Variants in NTNG2 observed in about 807,000 individuals in gnomAD.
NTNG2 encodes the protein netrin G2, also known as netrin-G2.
NTNG2 carries 15 observed loss-of-function variants against 47.6 expected under a neutral mutation model. That is an observed-to-expected ratio of 0.32 (90% CI 0.21 to 0.49). The LOEUF is 0.49. Ranked by LOEUF, NTNG2 falls within the 20% of genes least tolerant of loss-of-function variation. The pLI, the probability that NTNG2 is intolerant of heterozygous loss-of-function variation, is 0.99. For missense variants in NTNG2, 578 were observed against 764.6 expected, an observed-to-expected ratio of 0.76 and a Z score of 2.88; for synonymous variants, 307 against 324.6, an observed-to-expected ratio of 0.95 and a Z score of 0.58.
chr9:132,226,206 G>A lies in NTNG2; in HGVS notation c.858-643G>A, dbSNP rs1248530759. Among the ~76,000 whole-genome samples, 2 of 152,208 alleles carry A rather than the reference G, an allele frequency of 1.3e-5. No individual in the cohort carries two copies. The highest frequency in any genetic ancestry group is 4.8e-5 in the African/African-American group (2 of 41,448). On this transcript the variant is annotated intron_variant, in intron 3 of 7. Transcript: ENST00000393229. The surrounding 1 kb of genome is among the most constrained non-coding windows in gnomAD (Gnocchi z 4.8). Reference sequence around the variant, plus strand: ...GGTACAGTTTATATAGGACAGGCAGGATAAATGCTTGATTCTTTCCCTTTA... The same window carrying A: ...GGTACAGTTTATATAGGACAGGCAGAATAAATGCTTGATTCTTTCCCTTTA...
chr9:132,238,491 GCACT>G (rs1034332053), intron 5 of NTNG2, among the ~76,000 whole-genome samples: 1 of 152,182 alleles, frequency 6.6e-6, no homozygotes, highest in African/African-American at 2.4e-5. Flanking sequence ...CTTTAAAGTG[GCACT>G]CACTCTTAGC....
intron 3 of NTNG2, among the ~76,000 whole-genome samples, chr9:132,224,514 GACCCGAAGC>G (rs1413976577): frequency 3.3e-5 from 5 of 152,190 alleles, no homozygotes; most frequent in Non-Finnish European, 7.3e-5. Flanking sequence ...CTCCCTGCTA[GACCCGAAGC>G]ACCATCAGGT....
intron 2 of NTNG2, among the ~76,000 whole-genome samples, chr9:132,175,846 T>C (rs1836400296): frequency 6.6e-6 from 1 of 151,920 alleles, no homozygotes; most frequent in South Asian, 2.1e-4. Flanking sequence ...GTTCATTCAA[T>C]GTTCCCTGCT....
rs1304288680 is a variant in NTNG2 at position 132,163,112 on chromosome 9, C to T, written c.-484+873C>T. Among the ~76,000 whole-genome samples, 1 of 152,162 alleles carries T rather than the reference C, an allele frequency of 6.6e-6. No individual in the cohort carries two copies. The highest frequency in any genetic ancestry group is 1.5e-5 in the Non-Finnish European group (1 of 68,022). ...AGAGAGGCAGTGCCGAAAAAGGGGG[C>T]GCCTCAGTCCCGGCCGGGCCTTTAT... On this transcript the variant is annotated intron_variant, in intron 1 of 7. Coordinates refer to ENST00000393229, the MANE Select transcript of NTNG2 (RefSeq NM_032536.4). This position sits in a 1 kb window ranked among gnomAD's most constrained non-coding sequence, Gnocchi z 7.2.
In NTNG2 at chr9:132,182,729, A is replaced by G. The variant is rs571791973; in HGVS notation, c.214-15237A>G. On this transcript the variant is annotated intron_variant, in intron 2 of 7. Transcript: ENST00000393229. This position sits in a 1 kb window ranked among gnomAD's most constrained non-coding sequence, Gnocchi z 4.2. ...TTTTGTGGCTCTTTTCCATCTCCCA[A>G]CACTTGGGGCAGTCTTCTCGAAGGC... is the stretch of plus-strand genomic sequence containing the variant. Among the ~76,000 whole-genome samples, 1 of 152,188 alleles carries G rather than the reference A, an allele frequency of 6.6e-6. No individual in the cohort carries two copies. Among genetic ancestry groups the G allele is most frequent in the African/African-American group, 2.4e-5 (1 of 41,518 alleles).
At chr9:132,230,689 G>A in intron 5 of NTNG2, 94 bp downstream of exon 5, 1 of 1,350,192 alleles carries the variant, frequency 7.4e-7, no homozygotes, top group Non-Finnish European at 1.0e-6. Flanking sequence ...AGGGGCTTCA[G>A]TGTCCCCTCT....
At position 132,215,080 on chromosome 9, in the gene NTNG2, G is replaced by GC. The variant is rs1460166768; in HGVS notation, c.858-11769_858-11768insC. On this transcript the variant is annotated intron_variant, in intron 3 of 7. Transcript: ENST00000393229. The surrounding 1 kb of genome is among the most constrained non-coding windows in gnomAD (Gnocchi z 4.2). ...TTTTTAATTTTTTTGTAGAGATTGG[G>GC]GGGGGGGGTCTCACTTTCTTGCCCA... Among the ~76,000 whole-genome samples the GC allele has an allele frequency of 2.7e-5, 1 of 36,570 alleles. No homozygotes were observed. Among genetic ancestry groups the GC allele is most frequent in the Admixed American group, 1.9e-4 (1 of 5,204 alleles). The allele number at this position is 36,570 out of a possible 152,430, so 24.0% of individuals were successfully genotyped here.
At position 132,215,947 on chromosome 9, in the gene NTNG2, GAGCCCTCGAGGGTACCAGCTC is replaced by G. The variant is rs1839939683; in HGVS notation, c.858-10898_858-10878del. On this transcript the variant is annotated intron_variant, in intron 3 of 7. Coordinates refer to ENST00000393229, the MANE Select transcript of NTNG2 (RefSeq NM_032536.4). The surrounding 1 kb of genome is among the most constrained non-coding windows in gnomAD (Gnocchi z 4.2). ...CATGCTCTGTGCCAGACCCAGTGCT[GAGCCCTCGAGGGTACCAGCTC>G]AGCTTGCCCTTCCCTGACCCTTGAC... Among the ~76,000 whole-genome samples the G allele has an allele frequency of 6.6e-6, 1 of 152,144 alleles. No individual in the cohort carries two copies. Among genetic ancestry groups the G allele is most frequent in the Non-Finnish European group, 1.5e-5 (1 of 68,036 alleles).
At chr9:132,189,980 T>C (rs1837741553) in intron 2 of NTNG2, among the ~76,000 whole-genome samples, 1 of 142,762 alleles carries the variant, frequency 7.0e-6, no homozygotes, top group East Asian at 2.4e-4. Flanking sequence ...TAGCCTGTAA[T>C]CCCAGCACTT....
At chr9:132,204,936 C>A (rs1195849879) in intron 3 of NTNG2, among the ~76,000 whole-genome samples, 1 of 152,010 alleles carries the variant, frequency 6.6e-6, no homozygotes, top group Non-Finnish European at 1.5e-5. Flanking sequence ...GATGGAGGTA[C>A]CCATGAGGAT....
At chr9:132,241,603 A>C in intron 7 of NTNG2, 1 of 458,540 alleles carries the variant, frequency 2.2e-6, no homozygotes, top group South Asian at 2.8e-5. Flanking sequence ...GCACGTGCAC[A>C]GCTCTGGAGA....
intron 7 of NTNG2, 119 bp downstream of exon 7, chr9:132,241,163 G>GAGCT (rs1841956487): frequency 7.8e-7 from 1 of 1,283,756 alleles, no homozygotes. Flanking sequence ...TAGCAAGACG[G>GAGCT]GGCAGGGCCG....
chr9:132,226,893 G>C lies in NTNG2; in HGVS notation c.902G>C (p.Gly301Ala), dbSNP rs1589527789. 1 of 1,611,816 alleles carries C rather than the reference G, an allele frequency of 6.2e-7. No homozygotes were observed. The highest frequency in any genetic ancestry group is 1.1e-5 in the South Asian group (1 of 90,778). The change falls in exon 4 of 8, where the codon GGC (glycine) becomes GCC (alanine). Residue 301 changes from glycine (G) to alanine (A), a missense_variant. Coordinates refer to ENST00000393229, the MANE Select transcript of NTNG2 (RefSeq NM_032536.4). The surrounding 1 kb of genome is among the most constrained non-coding windows in gnomAD (Gnocchi z 4.8). ...GCCAACCTGTGCTCCATGCGCGAGG[G>C]CAGCCTGCAGTGCGAGTGCGAGCAC... ...LHANLCSMRE[G>A]SLQCECEHNT...
At chr9:132,168,146 G>A (rs544263288) in intron 2 of NTNG2, among the ~76,000 whole-genome samples, 1 of 152,340 alleles carries the variant, frequency 6.6e-6, no homozygotes, top group East Asian at 1.9e-4. Context: ...TCTGGCCAAG[G>A]TCACACTCCA....
At chr9:132,223,233 C>A (rs955275286) in intron 3 of NTNG2, among the ~76,000 whole-genome samples, 9 of 152,208 alleles carry the variant, frequency 5.9e-5, no homozygotes, top group African/African-American at 2.2e-4. Flanking sequence ...CCAAAGCTGG[C>A]AGATGGGGGT....
chr9:132,237,308 A>T (rs1227593534), intron 5 of NTNG2, among the ~76,000 whole-genome samples: 109 of 152,274 alleles, frequency 7.2e-4, no homozygotes, highest in Non-Finnish European at 1.3e-4. Flanking sequence ...TGAGCAGGCG[A>T]CAAGGCTGCC....
intron 7 of NTNG2, chr9:132,241,528 G>C (rs532949035): frequency 5.6e-6 from 2 of 359,394 alleles, no homozygotes; most frequent in East Asian, 6.0e-5. Flanking sequence ...CAGAGGGAGG[G>C]AGGCTGTCCA....
At position 132,198,352 on chromosome 9, in the gene NTNG2, G is replaced by A. The variant is rs1020555565; in HGVS notation, c.600G>A (p.Ser200=). The A allele has an allele frequency of 1.6e-5, 26 of 1,612,764 alleles. No homozygotes were observed. The highest frequency in any genetic ancestry group is 2.2e-5 in the East Asian group (1 of 44,896). The change falls in exon 3 of 8, where the codon TCG becomes TCA. Residue 200 remains serine, a synonymous_variant. Coordinates refer to ENST00000393229, the MANE Select transcript of NTNG2 (RefSeq NM_032536.4). ...AHRVLCTEEY[S]RWAGSKKEKH... The stretch of plus-strand genomic sequence containing the variant: ...GCGTGCTCTGCACCGAGGAGTACTC[G>A]CGCTGGGCAGGCTCCAAGAAGGAGA...
intron 1 of NTNG2, among the ~76,000 whole-genome samples, chr9:132,164,240 G>A (rs1357112778): frequency 2.0e-5 from 3 of 152,226 alleles, no homozygotes; most frequent in Non-Finnish European, 4.4e-5. Flanking sequence ...TTATTTTCCA[G>A]GGAATGCGTG....
Sources: allele counts gnomAD v4.1 joint callset (sites outside exome capture counted in the v4.1 genomes callset), GRCh38; gene constraint gnomAD v4.1.1; non-coding constraint Gnocchi (gnomAD v3.1); transcripts MANE v1.5; gene names NCBI Gene and HGNC (gene_info 2026-07-23, HGNC 2026-07-21).